The following OR1L8 variants were observed in gnomAD, a reference collection of about 807,000 sequenced individuals.
OR1L8 encodes olfactory receptor family 1 subfamily L member 8.
For missense variants in OR1L8, 330 were observed against 377.4 expected, an observed-to-expected ratio of 0.87 and a Z score of 1.04; for synonymous variants, 148 against 147.0, an observed-to-expected ratio of 1.01 and a Z score of -0.05.
chr9:122,555,256 T>G, the OR1L8 span, among the ~76,000 whole-genome samples: 1 of 152,170 alleles, frequency 6.6e-6, no homozygotes, highest in Non-Finnish European at 1.5e-5. Flanking sequence ...TGTTGTACAA[T>G]AAATATTGCT....
At chr9:122,568,740 C>T (rs570100011) in intron 4 of OR1L8, 51 bp from the exon 5 acceptor site, 4 of 358,224 alleles carry the variant, frequency 1.1e-5, no homozygotes, top group African/African-American at 2.1e-5. Context: ...GAAGTGGACT[C>T]CTCTAATTCA....
the OR1L8 span, among the ~76,000 whole-genome samples, chr9:122,559,396 G>T: frequency 6.6e-6 from 1 of 151,846 alleles, no homozygotes; most frequent in African/African-American, 2.4e-5. Context: ...GTGGTTTGTT[G>T]CAACTATCAA....
chr9:122,553,225 G>A, the OR1L8 span: 1 of 1,613,714 alleles, frequency 6.2e-7, no homozygotes, highest in Non-Finnish European at 8.5e-7. Flanking sequence ...GGAAAACCAG[G>A]CAGAGTGAAC....
At position 122,567,994 on chromosome 9, in the gene OR1L8, G is replaced by T. The variant is rs754464542; in HGVS notation, c.484C>A (p.Leu162Ile). The T allele has an allele frequency of 2.5e-6, 4 of 1,614,054 alleles. No individual in the cohort carries two copies. Among genetic ancestry groups the T allele is most frequent in the Middle Eastern group, 1.6e-4 (1 of 6,084 alleles). Reference protein sequence around the residue: ...FPHLHSLLHTLLLNRLTFCDS... With the variant: ...FPHLHSLLHTILLNRLTFCDS... ...CAGAAGGTGAGACGATTCAGCAGAA[G>T]TGTGTGCAGGAGTGAGTGGAGGTGA... Residue 162 changes from leucine (L) to isoleucine (I), a missense_variant, in exon 5 of 5, where the codon CTT (leucine) becomes ATT (isoleucine). By Grantham distance (5) the Leu-to-Ile change is conservative. Transcript: ENST00000641027.
Position 122,580,634 on chromosome 9 carries a change from T to C in OR1L8, c.-599-2189A>G, listed in dbSNP as rs1829728387. Among the ~76,000 whole-genome samples, 4 of 152,180 alleles carry C rather than the reference T, an allele frequency of 2.6e-5. No homozygotes were observed. In the South Asian group the frequency reaches 8.3e-4, roughly 32 times the overall value. ...GAAAAAAGGCAAAGGTTTCAATGACTAAGCTAATTTTTTCTAAGTCTACTG... is the reference window on the plus strand; with the variant it reads ...GAAAAAAGGCAAAGGTTTCAATGACCAAGCTAATTTTTTCTAAGTCTACTG... On this transcript the variant is annotated intron_variant, in intron 1 of 4. Transcript: ENST00000641027.
At chr9:122,554,232 A>T in the OR1L8 span, 1 of 1,198,364 alleles carries the variant, frequency 8.3e-7, no homozygotes, top group Non-Finnish European at 1.2e-6. Context: ...CAGTAATTCT[A>T]CTACTGTCAT....
rs1411269 is a variant in OR1L8, at chr9:122,582,636, C to T, written c.-600+685G>A. Reference sequence around the variant, plus strand: ...GCAGGAGGCTGACATGGAAGGATCACTTGAGCCCAGGAGTTTGAGGCTACA... The same window carrying T: ...GCAGGAGGCTGACATGGAAGGATCATTTGAGCCCAGGAGTTTGAGGCTACA... On this transcript the variant is annotated intron_variant, in intron 1 of 4. Transcript: ENST00000641027. 7.8e-3 allele frequency among the ~76,000 whole-genome samples: 1,184 copies of T among 151,980 alleles called. 16 individuals are homozygous for T. The highest frequency in any genetic ancestry group is 0.027 in the African/African-American group (1,109 of 41,438).
the OR1L8 span, among the ~76,000 whole-genome samples, chr9:122,547,119 T>TAA: frequency 4.0e-5 from 6 of 151,258 alleles, no homozygotes; most frequent in Non-Finnish European, 4.4e-5. Flanking sequence ...GTGAGCCACA[T>TAA]AAAAAAATAA....
chr9:122,558,508 G>T, the OR1L8 span, among the ~76,000 whole-genome samples: 1 of 150,838 alleles, frequency 6.6e-6, no homozygotes, highest in East Asian at 1.9e-4. Context: ...CTGTCTATTT[G>T]ACTTCATACT....
intron 3 of OR1L8, 138 bp from the exon 4 acceptor site, chr9:122,573,046 A>G (rs1829581185): frequency 6.6e-6 from 1 of 152,226 alleles, no homozygotes; most frequent in Admixed American, 6.5e-5. Flanking sequence ...CACATCTCAG[A>G]AGGCAGGGAG....
In OR1L8 at chr9:122,568,062, T is replaced by TGGC; in HGVS notation, c.413_415dup (p.Ser138_His139insArg). The stretch of plus-strand genomic sequence containing the variant: ...GGCCACCAGCAGGACACAGTGGTGG[T>TGGC]GGCTCATGGTGGTGACATAGTGGAA... On this transcript the variant is annotated inframe_insertion, in exon 5 of 5. Transcript: ENST00000641027. 6.2e-7 allele frequency: 1 copy of TGGC among 1,613,944 alleles called. No individual in the cohort carries two copies. The highest frequency in any genetic ancestry group is 1.1e-5 in the South Asian group (1 of 91,062).
Position 122,567,198 on chromosome 9 carries a change from T to C in OR1L8, c.*350A>G, listed in dbSNP as rs1157412550. ...ACAAATTACACATTTTTCAGCAATA[T>C]ATTGAAATGTGAAGAATTTTGGAGG... On this transcript the variant is annotated 3_prime_UTR_variant, in exon 5 of 5. Transcript: ENST00000641027. The C allele has an allele frequency of 5.6e-6, 1 of 178,116 alleles. No individual in the cohort carries two copies. Among genetic ancestry groups the C allele is most frequent in the South Asian group, 1.9e-4 (1 of 5,216 alleles). The allele number at this position is 178,116 out of a possible 1,614,324, so 11.0% of individuals were successfully genotyped here.
intron 1 of OR1L8, among the ~76,000 whole-genome samples, chr9:122,581,682 C>T (rs1829740269): frequency 1.3e-5 from 2 of 152,072 alleles, no homozygotes; most frequent in African/African-American, 4.8e-5. Flanking sequence ...CACAGTGGCT[C>T]ATGTCTGTAA....
rs534115996 is a variant in OR1L8, at chr9:122,576,379, G to A, written c.-342+387C>T. On this transcript the variant is annotated intron_variant, in intron 3 of 4. Coordinates refer to ENST00000641027, the MANE Select transcript of OR1L8 (RefSeq NM_001004454.2). ...TGGGATTACAGGTGTGAGCCACCAC[G>A]CCCAGCTAATTTTTTTTTTTTTTTT... Among the ~76,000 whole-genome samples the A allele has an allele frequency of 2.3e-4, 33 of 144,878 alleles. No individual in the cohort carries two copies. The East Asian group carries it at 2.4e-3, about 10-fold the overall frequency.
At chr9:122,570,415 TA>T (rs1167321236) in intron 4 of OR1L8, among the ~76,000 whole-genome samples, 2 of 152,254 alleles carry the variant, frequency 1.3e-5, no homozygotes, top group African/African-American at 2.4e-5. Context: ...AATTTTCACA[TA>T]TTTTTAAATG....
the OR1L8 span, among the ~76,000 whole-genome samples, chr9:122,557,143 G>A: frequency 7.3e-3 from 1,106 of 151,988 alleles, 11 homozygotes; most frequent in African/African-American, 0.025. Context: ...GGATATTTTG[G>A]ATTTTCTGTA....
At chr9:122,560,525 G>T in the OR1L8 span, among the ~76,000 whole-genome samples, 1 of 152,116 alleles carries the variant, frequency 6.6e-6, no homozygotes. Flanking sequence ...AGGCCTGGTG[G>T]TGACAAAATC....
At chr9:122,560,996 C>A in the OR1L8 span, among the ~76,000 whole-genome samples, 1 of 152,142 alleles carries the variant, frequency 6.6e-6, no homozygotes, top group African/African-American at 2.4e-5. Context: ...TTTACATAGT[C>A]CCATATTTCT....
At chr9:122,569,803 A>T (rs889008894) in intron 4 of OR1L8, among the ~76,000 whole-genome samples, 1 of 152,084 alleles carries the variant, frequency 6.6e-6, no homozygotes, top group Non-Finnish European at 1.5e-5. Context: ...AGCATTAGAT[A>T]TATCTCCTAA....
Sources: allele counts gnomAD v4.1 joint callset (sites outside exome capture counted in the v4.1 genomes callset), GRCh38; gene constraint gnomAD v4.1.1; transcripts MANE v1.5; gene names NCBI Gene and HGNC (gene_info 2026-07-23, HGNC 2026-07-21).